SPRED1: variants seen among roughly 807,000 people sequenced by gnomAD.
SPRED1 encodes sprouty-related, EVH1 domain-containing protein 1.
In SPRED1, 18 loss-of-function variants were observed where a neutral mutation model predicts 52.3. The ratio of observed to expected loss-of-function variants is 0.34; its 90% confidence interval spans 0.24 to 0.51. SPRED1 has a LOEUF of 0.51. Ranked by LOEUF, SPRED1 falls within the 20% of genes least tolerant of loss-of-function variation. The pLI is 0.97. For synonymous variants in SPRED1, 155 were observed against 179.7 expected (o/e 0.86, Z 1.10); for missense variants, 485 against 551.0 (o/e 0.88, Z 1.20).
chr15:38,312,068 A>G (rs1895378767), intron 2 of SPRED1, among the ~76,000 whole-genome samples: 1 of 152,178 alleles, frequency 6.6e-6, no homozygotes, highest in Admixed American at 6.5e-5. Flanking sequence ...AAAATTTAAC[A>G]TTATTTATTA....
chr15:38,258,672 G>T (rs533293431), intron 1 of SPRED1, among the ~76,000 whole-genome samples: 1 of 152,198 alleles, frequency 6.6e-6, no homozygotes, highest in East Asian at 1.9e-4. Flanking sequence ...AATTTTGAAG[G>T]TAGAAAATGA....
chr15:38,280,997 C>T (rs1225332461), intron 1 of SPRED1, among the ~76,000 whole-genome samples: 1 of 152,172 alleles, frequency 6.6e-6, no homozygotes, highest in African/African-American at 2.4e-5. Context: ...TTAGAAACTA[C>T]ATTAAATGAG....
chr15:38,267,797 T>C (rs1459977884), intron 1 of SPRED1, among the ~76,000 whole-genome samples: 2 of 152,230 alleles, frequency 1.3e-5, no homozygotes, highest in Non-Finnish European at 2.9e-5. Context: ...CCAAAGCCTA[T>C]GCCCTAAAAC....
intron 1 of SPRED1, among the ~76,000 whole-genome samples, chr15:38,258,126 C>G (rs1163827709): frequency 6.6e-6 from 1 of 152,164 alleles, no homozygotes; most frequent in Non-Finnish European, 1.5e-5. Context: ...ATTTGCAATT[C>G]TGCCATTAAA....
At chr15:38,312,371 G>A (rs974909374) in intron 2 of SPRED1, among the ~76,000 whole-genome samples, 3 of 152,030 alleles carry the variant, frequency 2.0e-5, no homozygotes, top group Non-Finnish European at 4.4e-5. Flanking sequence ...GCAACCTGTG[G>A]GGACCCAAGA....
chr15:38,271,197 A>G (rs1334938300), intron 1 of SPRED1, among the ~76,000 whole-genome samples: 7 of 152,244 alleles, frequency 4.6e-5, no homozygotes, highest in Non-Finnish European at 1.0e-4. Context: ...TTTAGATTCT[A>G]TGAAAATAGT....
At chr15:38,307,593 G>A (rs543288374) in intron 2 of SPRED1, among the ~76,000 whole-genome samples, 9 of 152,072 alleles carry the variant, frequency 5.9e-5, no homozygotes, top group Non-Finnish European at 1.3e-4. Flanking sequence ...GGATATTAGG[G>A]CTTTAACATA....
chr15:38,340,083 A>G (rs1454054665), intron 5 of SPRED1, among the ~76,000 whole-genome samples, 188 bp downstream of exon 5: 2 of 152,184 alleles, frequency 1.3e-5, no homozygotes, highest in East Asian at 1.9e-4. Flanking sequence ...CAATAAACAT[A>G]TACACCATAA....
chr15:38,348,438 GTC>G (rs1555392543), intron 5 of SPRED1, among the ~76,000 whole-genome samples: 8 of 150,696 alleles, frequency 5.3e-5, no homozygotes, highest in African/African-American at 2.0e-4. Flanking sequence ...GTGTGTGTGT[GTC>G]TGTGTGTGTA....
chr15:38,257,055 A>G (rs1333694515), intron 1 of SPRED1, among the ~76,000 whole-genome samples: 1 of 152,118 alleles, frequency 6.6e-6, no homozygotes, highest in Admixed American at 6.5e-5. Flanking sequence ...TGAATTATAT[A>G]TTTTAAACAC....
Position 38,322,235 on chromosome 15 carries a change from T to C in SPRED1, c.208-6T>C, listed in dbSNP as rs1241478218. ...ATATTAATTTTTGGTATTTGGCTTT[T>C]GTCAGGTGGTTTTGGAATGTATGCT... On this transcript the variant is annotated splice_region_variant and splice_polypyrimidine_tract_variant and intron_variant, in intron 2 of 6. Transcript: ENST00000299084. The C allele has an allele frequency of 1.9e-6, 3 of 1,613,646 alleles. No homozygotes were observed. The Admixed American group carries it at 5.0e-5, about 27-fold the overall frequency.
At chr15:38,273,147 T>C (rs1243146026) in intron 1 of SPRED1, among the ~76,000 whole-genome samples, 1 of 152,170 alleles carries the variant, frequency 6.6e-6, no homozygotes, top group Non-Finnish European at 1.5e-5. Flanking sequence ...CTACGATTCT[T>C]ATAGTTTGTG....
At chr15:38,289,126 T>G (rs1367489667) in intron 1 of SPRED1, among the ~76,000 whole-genome samples, 1 of 152,120 alleles carries the variant, frequency 6.6e-6, no homozygotes, top group Non-Finnish European at 1.5e-5. Context: ...AGTTTTGCCA[T>G]GATTCCTGAT....
At chr15:38,339,680 T>G (rs1895990792) in intron 4 of SPRED1, 57 bp from the exon 5 acceptor site, 2 of 1,546,716 alleles carry the variant, frequency 1.3e-6, no homozygotes, top group Non-Finnish European at 1.8e-6. Context: ...TATCTTATTT[T>G]GTGGTGGTGG....
intron 4 of SPRED1, among the ~76,000 whole-genome samples, chr15:38,328,540 A>G (rs1045914289): frequency 6.6e-6 from 1 of 152,164 alleles, no homozygotes; most frequent in Non-Finnish European, 1.5e-5. Context: ...TATCTTTCTT[A>G]TCTTTTATTC....
At chr15:38,270,297 A>G (rs1484392564) in intron 1 of SPRED1, among the ~76,000 whole-genome samples, 1 of 152,104 alleles carries the variant, frequency 6.6e-6, no homozygotes, top group East Asian at 1.9e-4. Context: ...GAAAGTTTCT[A>G]ATTGTTTTTT....
intron 5 of SPRED1, 98 bp downstream of exon 5, chr15:38,339,993 A>T: frequency 6.9e-7 from 1 of 1,459,022 alleles, no homozygotes; most frequent in Non-Finnish European, 9.5e-7. Flanking sequence ...CCTTTACCAG[A>T]CACAGTAAAC....
intron 1 of SPRED1, among the ~76,000 whole-genome samples, chr15:38,291,311 C>T (rs1894918355): frequency 6.6e-6 from 1 of 152,220 alleles, no homozygotes; most frequent in South Asian, 2.1e-4. Flanking sequence ...GTACAGCCTC[C>T]TCCTGGCTGC....
chr15:38,288,657 T>A (rs1005577672), intron 1 of SPRED1, among the ~76,000 whole-genome samples: 5 of 152,294 alleles, frequency 3.3e-5, no homozygotes, highest in African/African-American at 9.6e-5. Flanking sequence ...ACAAAAATAC[T>A]ATCATTGCAA....
Sources: gnomAD v4.1 joint callset for allele counts (sites outside exome capture counted in the v4.1 genomes callset) on GRCh38, gnomAD v4.1.1 for gene constraint, MANE v1.5 for transcripts, NCBI Gene and HGNC (gene_info 2026-07-23, HGNC 2026-07-21) for gene names.